ARHGAP39: variants seen among roughly 807,000 people sequenced by gnomAD.
ARHGAP39 encodes the protein Rho GTPase activating protein 39.
Under a neutral mutation model 106.9 loss-of-function variants are expected in ARHGAP39, and 44 were observed. That is an observed-to-expected ratio of 0.41 (90% confidence interval 0.32 to 0.53). The LOEUF is 0.53. ARHGAP39 is among the 20% of genes least tolerant of loss of function. ARHGAP39 has a pLI of 0.21. For synonymous variants in ARHGAP39, 768 were observed against 693.2 expected (o/e 1.11, Z -1.69); for missense variants, 1,496 against 1,577.3 (o/e 0.95, Z 0.87).
chr8:144,582,901 GT>G (rs1347532215), intron 2 of ARHGAP39, among the ~76,000 whole-genome samples: 6 of 152,210 alleles, frequency 3.9e-5, no homozygotes, highest in Admixed American at 2.6e-4. Flanking sequence ...GGGTCCTGTT[GT>G]TTTGCTCAGC....
chr8:144,674,740 C>T (rs1317298278), intron 1 of ARHGAP39, among the ~76,000 whole-genome samples: 1 of 152,194 alleles, frequency 6.6e-6, no homozygotes, highest in Non-Finnish European at 1.5e-5. Flanking sequence ...TGCCCTCAGC[C>T]CCTCCTCGGG....
the ARHGAP39 span, chr8:144,700,274 G>A: frequency 2.6e-5 from 4 of 152,272 alleles, no homozygotes; most frequent in African/African-American, 7.2e-5. The surrounding 1 kb of genome is among the most constrained non-coding windows in gnomAD (Gnocchi z 5.6). Flanking sequence ...AGCCAGGCGG[G>A]AGAGAGGGGA....
intron 1 of ARHGAP39, among the ~76,000 whole-genome samples, chr8:144,676,004 G>A (rs1216140221): frequency 6.6e-6 from 1 of 151,630 alleles, no homozygotes; most frequent in South Asian, 2.1e-4. Context: ...TCATGGTCTC[G>A]CTGGCTTCAG....
chr8:144,562,740 G>GGACT (rs1481951379), intron 3 of ARHGAP39, among the ~76,000 whole-genome samples: 1 of 138,300 alleles, frequency 7.2e-6, no homozygotes, highest in African/African-American at 3.0e-5. Context: ...GGTTTCCATC[G>GGACT]CACCCCAGTG....
chr8:144,550,273 T>TA (rs1269103343), intron 4 of ARHGAP39, among the ~76,000 whole-genome samples: 1 of 151,426 alleles, frequency 6.6e-6, no homozygotes, highest in African/African-American at 2.4e-5. Context: ...AGACCCTGTC[T>TA]AAAAAAAAGT....
At chr8:144,537,866 C>A (rs914825253) in intron 6 of ARHGAP39, 53 bp from the exon 7 acceptor site, 1 of 1,535,736 alleles carries the variant, frequency 6.5e-7, no homozygotes, top group Non-Finnish European at 9.0e-7. Flanking sequence ...CAGGAGCCAG[C>A]GCCCACTCAG....
Position 144,645,959 on chromosome 8 carries a change from A to T in ARHGAP39, c.-82+39727T>A, listed in dbSNP as rs1402006109. The stretch of plus-strand genomic sequence containing the variant: ...CTTTAGGATGTCACTGTGTAACAAC[A>T]GGGTAACACCCAGATGGCCCAGCTG... On this transcript the variant is annotated intron_variant, in intron 1 of 11. Transcript: ENST00000377307. The surrounding 1 kb of genome is among the most constrained non-coding windows in gnomAD (Gnocchi z 4.4). Among the ~76,000 whole-genome samples the T allele has an allele frequency of 6.6e-6, 1 of 152,320 alleles. No individual in the cohort carries two copies. Among genetic ancestry groups the T allele is most frequent in the East Asian group, 1.9e-4 (1 of 5,180 alleles).
intron 4 of ARHGAP39, 61 bp downstream of exon 4, chr8:144,555,499 C>T (rs920370302): frequency 2.2e-5 from 31 of 1,437,356 alleles, no homozygotes; most frequent in Admixed American, 1.8e-4. Context: ...TGCAGTTAGC[C>T]TGGCTCACTG....
chr8:144,617,001 C>T (rs1486885031), intron 1 of ARHGAP39, among the ~76,000 whole-genome samples: 1 of 152,012 alleles, frequency 6.6e-6, no homozygotes, highest in Non-Finnish European at 1.5e-5. Context: ...CACTTGAGGT[C>T]AGGAGTTTGA....
rs373629616 is a variant in ARHGAP39 at position 144,587,718 on chromosome 8, GA to G, written c.81-6442del. Among the ~76,000 whole-genome samples the G allele has an allele frequency of 7.9e-5, 12 of 151,118 alleles. No homozygotes were observed. The East Asian group carries it at 2.0e-3, about 25-fold the overall frequency. On this transcript the variant is annotated intron_variant, in intron 2 of 11. Transcript: ENST00000377307. The stretch of plus-strand genomic sequence containing the variant: ...CATCCAGGCTGGAGTGCGGTGGCGC[GA>G]TCTCGGCTCGCTGCGACTTCTGCCT...
intron 2 of ARHGAP39, among the ~76,000 whole-genome samples, chr8:144,595,635 G>A (rs571804494): frequency 6.6e-6 from 1 of 152,364 alleles, no homozygotes; most frequent in African/African-American, 2.4e-5. Flanking sequence ...CAGCCAAGAG[G>A]TCCCAAGAGG....
intron 1 of ARHGAP39, chr8:144,683,048 G>A (rs575399064): frequency 2.3e-3 from 348 of 152,234 alleles, no homozygotes; most frequent in Non-Finnish European, 4.3e-3. Context: ...GGGCGCGGTG[G>A]CTCACACCTG....
intron 2 of ARHGAP39, among the ~76,000 whole-genome samples, chr8:144,594,258 C>T (rs554692448): frequency 6.6e-6 from 1 of 152,112 alleles, no homozygotes; most frequent in East Asian, 1.9e-4. Flanking sequence ...ACAAGAGACA[C>T]CATCTCAAAC....
intron 3 of ARHGAP39, among the ~76,000 whole-genome samples, chr8:144,567,471 T>C (rs1818439477): frequency 6.6e-6 from 1 of 152,120 alleles, no homozygotes; most frequent in Non-Finnish European, 1.5e-5. Context: ...ACCCGCTACT[T>C]AGCGGACCAG....
intron 7 of ARHGAP39, among the ~76,000 whole-genome samples, chr8:144,537,037 T>C (rs1244399187): frequency 1.3e-5 from 2 of 152,130 alleles, no homozygotes; most frequent in Non-Finnish European, 2.9e-5. Flanking sequence ...CCTGGAAGCC[T>C]GTGTGTGCAT....
At chr8:144,622,538 G>A (rs951254121) in intron 1 of ARHGAP39, among the ~76,000 whole-genome samples, 1 of 152,102 alleles carries the variant, frequency 6.6e-6, no homozygotes, top group Non-Finnish European at 1.5e-5. Context: ...CAGTTCTGGT[G>A]GGAGAAAAAC....
chr8:144,691,116 C>T, the ARHGAP39 span, among the ~76,000 whole-genome samples: 1 of 152,188 alleles, frequency 6.6e-6, no homozygotes, highest in Non-Finnish European at 1.5e-5. Context: ...TCCTTGCTCC[C>T]CAGGTGACCA....
intron 3 of ARHGAP39, among the ~76,000 whole-genome samples, chr8:144,578,948 C>T (rs1401935955): frequency 6.6e-6 from 1 of 152,050 alleles, no homozygotes; most frequent in Non-Finnish European, 1.5e-5. Context: ...GTGGCTCATG[C>T]CTGTAATCCC....
chr8:144,547,379 G>A lies in ARHGAP39; in HGVS notation c.1707C>T (p.His569=). ...AGTCCCAGCTGCTCCTCTGCTTCAT[G>A]TGGAAGTGGGCCTGCTGCGCCTCCC... ...LAWEAQQAHF[H]MKQRSSWDSQ... Residue 569 remains histidine, a synonymous_variant, in exon 5 of 12, where the codon CAC becomes CAT. Transcript: ENST00000377307. The surrounding 1 kb of genome is among the most constrained non-coding windows in gnomAD (Gnocchi z 5.2). 6.3e-7 allele frequency: 1 copy of A among 1,598,880 alleles called. No individual in the cohort carries two copies. The highest frequency in any genetic ancestry group is 8.5e-7 in the Non-Finnish European group (1 of 1,177,920).
Sources: allele counts gnomAD v4.1 joint callset (sites outside exome capture counted in the v4.1 genomes callset), GRCh38; gene constraint gnomAD v4.1.1; non-coding constraint Gnocchi (gnomAD v3.1); transcripts MANE v1.5; gene names NCBI Gene and HGNC (gene_info 2026-07-23, HGNC 2026-07-21).